The following MCTP2 variants were observed in gnomAD, a reference collection of about 807,000 sequenced individuals.
MCTP2 encodes multiple C2 and transmembrane domain-containing protein 2.
In MCTP2, 132 loss-of-function variants were observed where a neutral mutation model predicts 111.6. The ratio of observed to expected loss-of-function variants is 1.18; its 90% CI spans 1.03 to 1.37. MCTP2 has a LOEUF of 1.37. Ranked by LOEUF, MCTP2 falls within the 40% of genes most tolerant of loss-of-function variation. MCTP2 has a pLI of 0.00. For missense variants in MCTP2, 1,183 were observed against 1,067.9 expected (o/e 1.11, Z -1.50); for synonymous variants, 395 against 387.7 (o/e 1.02, Z -0.22).
At chr15:94,373,511 A>T (rs2079594590) in intron 12 of MCTP2, among the ~76,000 whole-genome samples, 1 of 152,202 alleles carries the variant, frequency 6.6e-6, no homozygotes, top group South Asian at 2.1e-4. Flanking sequence ...CTGTTTTTAA[A>T]TTATGCCTTT....
chr15:94,241,858 C>T (rs567892392), intron 1 of MCTP2, among the ~76,000 whole-genome samples: 32 of 150,732 alleles, frequency 2.1e-4, no homozygotes, highest in African/African-American at 7.6e-4. Context: ...TTTAAAATGT[C>T]ATTTAAATTA....
intron 1 of MCTP2, among the ~76,000 whole-genome samples, chr15:94,270,699 C>T (rs1157289240): frequency 6.6e-6 from 1 of 152,120 alleles, no homozygotes; most frequent in Non-Finnish European, 1.5e-5. Flanking sequence ...CTACATGTAT[C>T]CCCCTGGTGT....
intron 22 of MCTP2, among the ~76,000 whole-genome samples, chr15:94,478,634 A>G (rs1418639654): frequency 6.6e-6 from 1 of 152,222 alleles, no homozygotes. Context: ...ATATACTAAG[A>G]TAAACATTCC....
intron 14 of MCTP2, among the ~76,000 whole-genome samples, chr15:94,397,649 G>T (rs1039056983): frequency 6.6e-6 from 1 of 152,112 alleles, no homozygotes; most frequent in Non-Finnish European, 1.5e-5. Context: ...AGAGAGGTGG[G>T]GTGACTTTGG....
chr15:94,381,182 T>G (rs988022112), intron 12 of MCTP2, among the ~76,000 whole-genome samples: 1 of 152,252 alleles, frequency 6.6e-6, no homozygotes, highest in African/African-American at 2.4e-5. Flanking sequence ...GAGATACTTG[T>G]TATCTCAAAT....
At chr15:94,273,913 GA>G in intron 1 of MCTP2, 1 of 240,170 alleles carries the variant, frequency 4.2e-6, no homozygotes, top group Non-Finnish European at 9.2e-6. Context: ...ACAAGGATCA[GA>G]AAAAATTCTT....
At chr15:94,461,368 G>C (rs1329477204) in intron 20 of MCTP2, among the ~76,000 whole-genome samples, 6 of 151,934 alleles carry the variant, frequency 3.9e-5, no homozygotes, top group East Asian at 1.9e-4. Context: ...GCTGAGGCAG[G>C]AGAATCGCTT....
At chr15:94,291,369 G>T (rs1056084142) in intron 1 of MCTP2, among the ~76,000 whole-genome samples, 1 of 152,182 alleles carries the variant, frequency 6.6e-6, no homozygotes, top group Admixed American at 6.5e-5. Flanking sequence ...TTGGGAGGCC[G>T]AGGTGGGTGG....
chr15:94,319,039 T>TG (rs961267683), intron 4 of MCTP2, among the ~76,000 whole-genome samples: 13 of 150,664 alleles, frequency 8.6e-5, no homozygotes, highest in African/African-American at 2.9e-4. Flanking sequence ...TGTTCTTGGT[T>TG]TTTTTTTTTT....
chr15:94,301,210 T>C (rs1199226012), intron 2 of MCTP2, among the ~76,000 whole-genome samples: 2 of 152,208 alleles, frequency 1.3e-5, no homozygotes, highest in African/African-American at 4.8e-5. Flanking sequence ...AGGTTCTCTC[T>C]ACTTGAGTGC....
chr15:94,450,266 A>C (rs907946951), intron 19 of MCTP2, among the ~76,000 whole-genome samples: 1 of 152,258 alleles, frequency 6.6e-6, no homozygotes, highest in Non-Finnish European at 1.5e-5. Context: ...TTGAGAAAGA[A>C]GTACACTCCA....
At chr15:94,250,396 A>G (rs2072326376) in intron 1 of MCTP2, among the ~76,000 whole-genome samples, 1 of 152,196 alleles carries the variant, frequency 6.6e-6, no homozygotes, top group Non-Finnish European at 1.5e-5. Context: ...CTGATGGAGT[A>G]ATTTAAAATT....
At chr15:94,447,153 G>T (rs2084166065) in intron 19 of MCTP2, among the ~76,000 whole-genome samples, 1 of 152,156 alleles carries the variant, frequency 6.6e-6, no homozygotes. Flanking sequence ...CTTCTTAGTG[G>T]GAGAAGCACA....
chr15:94,274,348 G>A (rs1402135344), intron 1 of MCTP2, among the ~76,000 whole-genome samples: 1 of 152,110 alleles, frequency 6.6e-6, no homozygotes, highest in Non-Finnish European at 1.5e-5. Flanking sequence ...AATTTTCAAT[G>A]TCAATAGTTT....
At chr15:94,357,472 G>C (rs192471547) in intron 9 of MCTP2, among the ~76,000 whole-genome samples, 1 of 152,046 alleles carries the variant, frequency 6.6e-6, no homozygotes, top group African/African-American at 2.4e-5. Context: ...GTGAAGTGTA[G>C]AATTAGTTCA....
intron 1 of MCTP2, among the ~76,000 whole-genome samples, chr15:94,254,240 C>G (rs1000324533): frequency 2.0e-5 from 3 of 152,116 alleles, no homozygotes; most frequent in African/African-American, 7.2e-5. Context: ...TATACAGTGT[C>G]TCTTCAGGTT....
chr15:94,275,844 A>ATTTT (rs35006187), intron 1 of MCTP2, among the ~76,000 whole-genome samples: 1 of 131,536 alleles, frequency 7.6e-6, no homozygotes, highest in Non-Finnish European at 1.6e-5. Flanking sequence ...TTTTATAAGC[A>ATTTT]TTTTTTTTTT....
chr15:94,316,727 C>T (rs2076394080), intron 4 of MCTP2, among the ~76,000 whole-genome samples: 1 of 151,988 alleles, frequency 6.6e-6, no homozygotes, highest in Non-Finnish European at 1.5e-5. Context: ...CCTCTTTTGT[C>T]CTTTAGAAGT....
rs1356183129 is a variant in MCTP2 at position 94,442,974 on chromosome 15, A to G, written c.2250+14A>G. 6.2e-7 allele frequency: 1 copy of G among 1,612,086 alleles called. No individual in the cohort carries two copies. Among genetic ancestry groups the G allele is most frequent in the African/African-American group, 1.3e-5 (1 of 74,930 alleles). ...GAAGATGACAAGGTGCGTATGTTCA[A>G]GAAAGAACACACACAAAAAAACACT... On this transcript the variant is annotated intron_variant, in intron 19 of 22. Coordinates refer to ENST00000357742, the MANE Select transcript of MCTP2 (RefSeq NM_001385001.1).
Sources: gnomAD v4.1 joint callset for allele counts (sites outside exome capture counted in the v4.1 genomes callset) on GRCh38, gnomAD v4.1.1 for gene constraint, MANE v1.5 for transcripts, NCBI Gene and HGNC (gene_info 2026-07-23, HGNC 2026-07-21) for gene names.